Variants in FGF13 observed in about 807,000 individuals in gnomAD.
FGF13 encodes the protein fibroblast growth factor homologous factor 2.
Under a neutral mutation model 19.5 loss-of-function variants are expected in FGF13, and 2 were observed. The observed-to-expected ratio is 0.10, with a 90% CI of 0.04 to 0.32. The LOEUF (loss-of-function observed/expected upper bound fraction) is 0.32. Among genes scored for constraint, FGF13 ranks in the 10% least tolerant of loss-of-function variants. The pLI is 1.00. For missense variants in FGF13, 113 were observed against 192.7 expected (o/e 0.59, Z 2.45); for synonymous variants, 72 against 76.9 (o/e 0.94, Z 0.33).
chrX:138,659,158 G>A (rs1407039572), intron 3 of FGF13, among the ~76,000 whole-genome samples: 5 of 111,861 alleles, frequency 4.5e-5, no homozygotes, highest in Admixed American at 3.8e-4. Context: ...AGCTAAAAAT[G>A]TTCTAGAAAG....
At chrX:138,771,601 C>T (rs1028732739) in intron 3 of FGF13, among the ~76,000 whole-genome samples, 9 of 111,109 alleles carry the variant, frequency 8.1e-5, no homozygotes, top group Admixed American at 1.9e-4. Flanking sequence ...TTTCCTGGTA[C>T]TTCCCCTCCA....
intron 1 of FGF13, among the ~76,000 whole-genome samples, chrX:139,070,980 C>A (rs1373406929): frequency 9.2e-6 from 1 of 109,243 alleles, no homozygotes; most frequent in Admixed American, 9.7e-5. Context: ...CACACTGAGG[C>A]CTACTGGGGG....
At chrX:138,867,822 TATCTATCTATC>T (rs1197330132) in intron 1 of FGF13, among the ~76,000 whole-genome samples, 4 of 104,291 alleles carry the variant, frequency 3.8e-5, no homozygotes, top group South Asian at 4.5e-4. Flanking sequence ...TCTATCTATC[TATCTATCTATC>T]ATCTATCTAT....
chrX:139,144,179 CTA>C (rs1425458604), intron 1 of FGF13, among the ~76,000 whole-genome samples: 1 of 111,798 alleles, frequency 8.9e-6, no homozygotes, highest in Non-Finnish European at 1.9e-5. Context: ...CAGTCTCACT[CTA>C]TGCATTGAGT....
chrX:138,647,219 G>GAAA (rs10543925), intron 3 of FGF13, among the ~76,000 whole-genome samples: 2 of 59,113 alleles, frequency 3.4e-5, no homozygotes, highest in Non-Finnish European at 3.3e-5. Flanking sequence ...CATCTCTGGG[G>GAAA]AAAAAAAAAA....
chrX:139,086,731 T>C (rs73583205), intron 1 of FGF13, among the ~76,000 whole-genome samples: 7,436 of 111,960 alleles, frequency 0.066, 270 homozygotes, highest in East Asian at 0.13. Flanking sequence ...GTTTAATATG[T>C]GTTGCGTGAA....
At chrX:139,099,559 T>G (rs1043966647) in intron 1 of FGF13, among the ~76,000 whole-genome samples, 1 of 110,617 alleles carries the variant, frequency 9.0e-6, no homozygotes, top group African/African-American at 3.3e-5. Flanking sequence ...TTCAACTTTC[T>G]GCCCTTGAGC....
intron 3 of FGF13, among the ~76,000 whole-genome samples, chrX:138,672,999 AC>A (rs2089629413): frequency 9.0e-5 from 10 of 111,467 alleles, no homozygotes; most frequent in Admixed American, 5.7e-4. Context: ...AGGACAAGAC[AC>A]CATATTTGGG....
chrX:138,892,000 A>ATGTGTGTGTGTGTGTGTG (rs200883636), intron 1 of FGF13, among the ~76,000 whole-genome samples: 133 of 46,946 alleles, frequency 2.8e-3, no homozygotes, highest in African/African-American at 9.4e-3. Context: ...CTATATATAC[A>ATGTGTGTGTGTGTGTGTG]TATGTGTGTG....
intron 3 of FGF13, among the ~76,000 whole-genome samples, chrX:138,675,529 C>T (rs961747550): frequency 4.5e-5 from 5 of 110,854 alleles, no homozygotes; most frequent in Non-Finnish European, 9.4e-5. Context: ...AATTCTTTTG[C>T]TAATTTTTGT....
chrX:139,143,587 G>A (rs191588137), intron 1 of FGF13, among the ~76,000 whole-genome samples: 7 of 111,997 alleles, frequency 6.3e-5, no homozygotes, highest in African/African-American at 1.9e-4. Flanking sequence ...TCTTCCCCAC[G>A]CTGTGGATGC....
chrX:139,112,750 T>A (rs759594498), intron 1 of FGF13, among the ~76,000 whole-genome samples: 115 of 112,143 alleles, frequency 1.0e-3, no homozygotes, highest in Non-Finnish European at 1.6e-3. Context: ...TGACACAATG[T>A]ATACACAGTA....
chrX:139,022,995 G>C (rs2092184209), intron 1 of FGF13, among the ~76,000 whole-genome samples: 1 of 111,436 alleles, frequency 9.0e-6, no homozygotes, highest in African/African-American at 3.3e-5. Context: ...CCATACTACA[G>C]ACAAGGAAAC....
chrX:138,831,960 G>C (rs189088272), intron 3 of FGF13, among the ~76,000 whole-genome samples: 31 of 111,766 alleles, frequency 2.8e-4, no homozygotes, highest in African/African-American at 8.1e-4. Flanking sequence ...TCCTGTGTTA[G>C]TTTGCTAAGG....
rs1421381504 is a variant in FGF13, at chrX:138,630,456, T to A, written c.*2394A>T. ...TGAGCATCTCCTGATTTTTAAAACA[T>A]GGTACAAAGGATCCTGCATCCAAGA... is the stretch of plus-strand genomic sequence containing the variant. On this transcript the variant is annotated 3_prime_UTR_variant, in exon 5 of 5. Coordinates refer to ENST00000315930, the MANE Select transcript of FGF13 (RefSeq NM_004114.5). 1 of 110,357 alleles carries A rather than the reference T, an allele frequency of 9.1e-6. No individual in the cohort carries two copies. Among genetic ancestry groups the A allele is most frequent in the Non-Finnish European group, 1.9e-5 (1 of 52,901 alleles). 9.1% of individuals were successfully genotyped at this position (110,357 alleles called of 1,213,427 possible).
chrX:138,985,946 A>G (rs1436268551), intron 1 of FGF13, among the ~76,000 whole-genome samples: 6 of 111,734 alleles, frequency 5.4e-5, no homozygotes, highest in Non-Finnish European at 5.6e-5. Context: ...TAAATATCAT[A>G]TAACTTGGCT....
intron 1 of FGF13, among the ~76,000 whole-genome samples, chrX:138,943,688 G>A (rs1471667079): frequency 9.0e-6 from 1 of 111,727 alleles, no homozygotes; most frequent in Non-Finnish European, 1.9e-5. Context: ...TGGAGTAGAG[G>A]TATTCAAATT....
At chrX:138,846,150 C>A (rs758618927) in intron 3 of FGF13, among the ~76,000 whole-genome samples, 2 of 108,259 alleles carry the variant, frequency 1.8e-5, no homozygotes, top group African/African-American at 3.3e-5. Flanking sequence ...TTTTTTCCCC[C>A]AAATAAACTA....
chrX:138,960,492 A>G (rs971089481), intron 1 of FGF13, among the ~76,000 whole-genome samples: 1 of 111,019 alleles, frequency 9.0e-6, no homozygotes, highest in African/African-American at 3.3e-5. Flanking sequence ...GCTGACAGTT[A>G]TGTGTCTTGG....
Sources: gnomAD v4.1 joint callset for allele counts (sites outside exome capture counted in the v4.1 genomes callset) on GRCh38, gnomAD v4.1.1 for gene constraint, MANE v1.5 for transcripts, NCBI Gene and HGNC (gene_info 2026-07-23, HGNC 2026-07-21) for gene names.